UQCC1: variants seen among roughly 807,000 people sequenced by gnomAD.
The protein encoded by UQCC1 is bFGF-repressed Zic-binding protein.
Under a neutral mutation model 48.0 loss-of-function variants are expected in UQCC1, and 38 were observed. That is an observed-to-expected ratio of 0.79 (90% CI 0.61 to 1.04). The LOEUF (loss-of-function observed/expected upper bound fraction) is 1.04, where lower values mean the gene tolerates loss of function less well. Ranked by LOEUF, UQCC1 falls within the 50% of genes least tolerant of loss-of-function variation. The pLI is 0.00. For missense variants in UQCC1, 368 were observed against 381.8 expected, an observed-to-expected ratio of 0.96 and a Z score of 0.30; for synonymous variants, 111 against 129.2, an observed-to-expected ratio of 0.86 and a Z score of 0.95.
intron 7 of UQCC1, among the ~76,000 whole-genome samples, chr20:35,318,326 G>A (rs1294718379): frequency 1.3e-5 from 2 of 152,244 alleles, no homozygotes; most frequent in Non-Finnish European, 2.9e-5. Context: ...GCCAGGATTA[G>A]AACCTGATTT....
At chr20:35,363,457 T>G (rs948021536) in intron 6 of UQCC1, among the ~76,000 whole-genome samples, 1 of 152,176 alleles carries the variant, frequency 6.6e-6, no homozygotes, top group Non-Finnish European at 1.5e-5. Flanking sequence ...AGTATACAAC[T>G]GATAAGGGTC....
At chr20:35,354,403 T>G (rs2146407493) in intron 6 of UQCC1, among the ~76,000 whole-genome samples, 1 of 151,060 alleles carries the variant, frequency 6.6e-6, no homozygotes, top group East Asian at 2.0e-4. Context: ...TCTCTTTTTT[T>G]TTTTTTGTTT....
At chr20:35,351,557 T>G (rs564666163) in intron 6 of UQCC1, among the ~76,000 whole-genome samples, 1 of 152,202 alleles carries the variant, frequency 6.6e-6, no homozygotes, top group African/African-American at 2.4e-5. Flanking sequence ...AAATCCCTCA[T>G]GTCAGCCTCT....
intron 1 of UQCC1, 78 bp from the exon 2 acceptor site, chr20:35,394,274 AC>A: frequency 1.6e-6 from 2 of 1,212,230 alleles, no homozygotes; most frequent in Non-Finnish European, 2.4e-6. Flanking sequence ...TACCTGTGAT[AC>A]TGTAATATAA....
chr20:35,384,719 AGCACTTTGGGAGGCC>A (rs2061918272), intron 2 of UQCC1: 1 of 431,588 alleles, frequency 2.3e-6, no homozygotes, highest in African/African-American at 2.1e-5. Flanking sequence ...CTGTAATCCC[AGCACTTTGGGAGGCC>A]GAGGTGGATG....
At chr20:35,309,919 G>A (rs1568646239) in intron 8 of UQCC1, among the ~76,000 whole-genome samples, 1 of 152,186 alleles carries the variant, frequency 6.6e-6, no homozygotes, top group African/African-American at 2.4e-5. Context: ...TCTAACAGCA[G>A]CACAGAGTAA....
chr20:35,365,114 T>G (rs1361572073), intron 6 of UQCC1, among the ~76,000 whole-genome samples: 1 of 152,238 alleles, frequency 6.6e-6, no homozygotes, highest in Admixed American at 6.5e-5. Flanking sequence ...TTAAGCTACC[T>G]GATGCGTGGC....
rs1353189556 is a variant in UQCC1, at chr20:35,303,849, T to C, written c.*86A>G. On this transcript the variant is annotated 3_prime_UTR_variant, in exon 10 of 10. Coordinates refer to ENST00000374385, the MANE Select transcript of UQCC1 (RefSeq NM_018244.5). ...CTGTTCAGAGGTCAGTTCAGGCCACTTTCTGCAGGGTCCTGGACCAACAGG... is the reference window on the plus strand; with the variant it reads ...CTGTTCAGAGGTCAGTTCAGGCCACCTTCTGCAGGGTCCTGGACCAACAGG... 9 of 1,595,342 alleles carry C rather than the reference T, an allele frequency of 5.6e-6. No homozygotes were observed. The highest frequency in any genetic ancestry group is 1.7e-4 in the Middle Eastern group (1 of 5,770).
chr20:35,382,622 C>T (rs1385151479), intron 3 of UQCC1, among the ~76,000 whole-genome samples: 3 of 149,908 alleles, frequency 2.0e-5, no homozygotes, highest in Non-Finnish European at 4.4e-5. Context: ...CCGCCATTCT[C>T]CTGCCTCAGC....
chr20:35,358,356 CAAAAAAA>C lies in UQCC1; in HGVS notation c.464+8194_464+8200del, dbSNP rs1198006186. ...GCATCAACAGTGAGAGACTCTGTCT[CAAAAAAA>C]AAAAAAAAAAAAAAAAAGCAAAGTA... On this transcript the variant is annotated intron_variant, in intron 6 of 9. Transcript: ENST00000374385. Among the ~76,000 whole-genome samples the C allele has an allele frequency of 8.9e-3, 441 of 49,412 alleles. 3 individuals are homozygous for C. The highest frequency in any genetic ancestry group is 0.042 in the African/African-American group (412 of 9,904). The allele number at this position is 49,412 out of a possible 152,430, so 32.4% of individuals were successfully genotyped here.
chr20:35,321,647 G>T (rs1180876407), intron 7 of UQCC1, among the ~76,000 whole-genome samples: 1 of 152,124 alleles, frequency 6.6e-6, no homozygotes, highest in Non-Finnish European at 1.5e-5. Context: ...TTGAGGCCAG[G>T]AGTTCAAGAC....
intron 7 of UQCC1, among the ~76,000 whole-genome samples, chr20:35,338,438 C>T (rs900042872): frequency 6.6e-6 from 1 of 152,108 alleles, no homozygotes; most frequent in African/African-American, 2.4e-5. Flanking sequence ...GGCCTTGGTC[C>T]TCATTCTGCT....
intron 8 of UQCC1, among the ~76,000 whole-genome samples, chr20:35,312,437 C>T (rs1186867713): frequency 2.0e-5 from 3 of 152,086 alleles, no homozygotes. Flanking sequence ...TACCACATGC[C>T]AAGCACTATG....
chr20:35,374,238 G>C lies in UQCC1; in HGVS notation c.352C>G (p.Leu118Val). Residue 118 changes from leucine (L) to valine (V), a missense_variant, in exon 5 of 10, where the codon CTG becomes GTG. Physicochemically the swap from Leu to Val is conservative, Grantham distance 32. Transcript: ENST00000374385. The stretch of plus-strand genomic sequence containing the variant: ...TCCACACAGCTAGTATACATGCGCA[G>C]GGCCGCAATCTTAATCTTCTAGACA... ...YSKWKIKIAALRMYTSCVEKT... is the reference protein window; with the variant it reads ...YSKWKIKIAAVRMYTSCVEKT... 6.2e-7 allele frequency: 1 copy of C among 1,612,148 alleles called. No homozygotes were observed. The highest frequency in any genetic ancestry group is 1.7e-4 in the Middle Eastern group (1 of 6,054).
At chr20:35,307,476 A>G (rs1037585617) in intron 8 of UQCC1, among the ~76,000 whole-genome samples, 13 of 152,178 alleles carry the variant, frequency 8.5e-5, no homozygotes, top group Admixed American at 6.5e-4. Context: ...ACAGAGCAAA[A>G]TAAGAGCCCC....
intron 8 of UQCC1, among the ~76,000 whole-genome samples, chr20:35,309,375 G>A (rs2060965030): frequency 6.6e-6 from 1 of 152,098 alleles, no homozygotes; most frequent in South Asian, 2.1e-4. Flanking sequence ...TGAGGATACA[G>A]TGAGCTGTGA....
At chr20:35,374,698 A>G (rs2061775995) in intron 4 of UQCC1, among the ~76,000 whole-genome samples, 1 of 152,150 alleles carries the variant, frequency 6.6e-6, no homozygotes, top group African/African-American at 2.4e-5. Flanking sequence ...ACTACTATCT[A>G]TTCTATAAAT....
At chr20:35,364,867 C>A (rs2061648936) in intron 6 of UQCC1, among the ~76,000 whole-genome samples, 1 of 152,140 alleles carries the variant, frequency 6.6e-6, no homozygotes, top group African/African-American at 2.4e-5. Flanking sequence ...AACACTGATA[C>A]CTCTAGCTAT....
At chr20:35,346,764 C>A in intron 7 of UQCC1, 1 of 458,546 alleles carries the variant, frequency 2.2e-6, no homozygotes, top group South Asian at 2.5e-5. Flanking sequence ...ACAGTGCAGG[C>A]CCCATACCAG....
Sources: allele counts gnomAD v4.1 joint callset (sites outside exome capture counted in the v4.1 genomes callset), GRCh38; gene constraint gnomAD v4.1.1; transcripts MANE v1.5; gene names NCBI Gene and HGNC (gene_info 2026-07-23, HGNC 2026-07-21).